The following NALF1 variants were observed in gnomAD, a reference collection of about 807,000 sequenced individuals.
NALF1 encodes NALCN channel auxiliary factor 1.
In NALF1, 3 loss-of-function variants were observed where a neutral mutation model predicts 48.4. The ratio of observed to expected loss-of-function variants is 0.06; its 90% CI spans 0.03 to 0.16. The LOEUF is 0.16. Among genes scored for constraint, NALF1 ranks in the 10% least tolerant of loss-of-function variants. NALF1 has a pLI of 1.00. For missense variants in NALF1, 526 were observed against 571.5 expected, an observed-to-expected ratio of 0.92 and a Z score of 0.81; for synonymous variants, 262 against 245.7, an observed-to-expected ratio of 1.07 and a Z score of -0.62.
At chr13:107,298,328 C>T (rs532428736) in intron 1 of NALF1, among the ~76,000 whole-genome samples, 48 of 99,656 alleles carry the variant, frequency 4.8e-4, no homozygotes, top group Middle Eastern at 0.013. Context: ...CCAGCCTGGG[C>T]GACAGAGAGA....
At chr13:107,398,542 T>C (rs563868050) in intron 1 of NALF1, among the ~76,000 whole-genome samples, 131 of 152,288 alleles carry the variant, frequency 8.6e-4, no homozygotes, top group Non-Finnish European at 1.6e-3. Flanking sequence ...AATGAGTAAA[T>C]AAATATTATA....
intron 1 of NALF1, among the ~76,000 whole-genome samples, chr13:107,837,868 A>C (rs1276308853): frequency 6.6e-6 from 1 of 152,174 alleles, no homozygotes; most frequent in Non-Finnish European, 1.5e-5. Flanking sequence ...CCCTGTGAGA[A>C]AGCAATCATA....
At chr13:107,356,031 T>C (rs907075920) in intron 1 of NALF1, among the ~76,000 whole-genome samples, 4 of 152,194 alleles carry the variant, frequency 2.6e-5, no homozygotes, top group Admixed American at 1.3e-4. Flanking sequence ...CTTTACTATG[T>C]CAAGTTATTG....
intron 1 of NALF1, among the ~76,000 whole-genome samples, chr13:107,663,901 C>G (rs1880791289): frequency 6.6e-6 from 1 of 152,074 alleles, no homozygotes; most frequent in African/African-American, 2.4e-5. Context: ...TCCTCAACTC[C>G]TTAACTTCTA....
intron 1 of NALF1, among the ~76,000 whole-genome samples, chr13:107,770,528 C>T (rs1280089417): frequency 6.6e-6 from 1 of 152,112 alleles, no homozygotes; most frequent in Non-Finnish European, 1.5e-5. Flanking sequence ...TCATAAGTAC[C>T]TACAACTGGG....
chr13:107,745,620 T>C (rs1444867616), intron 1 of NALF1, among the ~76,000 whole-genome samples: 1 of 152,172 alleles, frequency 6.6e-6, no homozygotes, highest in Admixed American at 6.6e-5. Flanking sequence ...TGCTTGCACA[T>C]GGTACCAATA....
At chr13:107,374,368 C>G (rs12864261) in intron 1 of NALF1, among the ~76,000 whole-genome samples, 1 of 152,096 alleles carries the variant, frequency 6.6e-6, no homozygotes, top group Non-Finnish European at 1.5e-5. Flanking sequence ...TTCAGTGGAC[C>G]CTTTTTATTG....
chr13:107,531,283 A>G (rs912446), intron 1 of NALF1: 114,729 of 167,620 alleles, frequency 0.68, 40,835 homozygotes, highest in Middle Eastern at 0.81. Flanking sequence ...CCTCATGAAT[A>G]GCTTGGGCCA....
chr13:107,683,892 C>A (rs57755500), intron 1 of NALF1, among the ~76,000 whole-genome samples: 1 of 152,168 alleles, frequency 6.6e-6, no homozygotes, highest in African/African-American at 2.4e-5. Context: ...CACATCAACC[C>A]AATACTGACT....
intron 1 of NALF1, among the ~76,000 whole-genome samples, chr13:107,715,434 T>A (rs1875724794): frequency 6.6e-6 from 1 of 152,166 alleles, no homozygotes; most frequent in Admixed American, 6.5e-5. Context: ...ACTCCCGACC[T>A]CAGGTGATCT....
At chr13:107,469,153 A>C (rs1181763523) in intron 1 of NALF1, among the ~76,000 whole-genome samples, 2 of 152,204 alleles carry the variant, frequency 1.3e-5, no homozygotes, top group Non-Finnish European at 2.9e-5. Context: ...AAAATCAGTC[A>C]TAAAAAAAGG....
intron 2 of NALF1, among the ~76,000 whole-genome samples, chr13:107,201,416 A>T (rs1879515502): frequency 6.6e-6 from 1 of 152,264 alleles, no homozygotes; most frequent in East Asian, 1.9e-4. Context: ...CTCTACTAAA[A>T]ATACCAAAAA....
intron 1 of NALF1, among the ~76,000 whole-genome samples, chr13:107,267,949 C>T (rs1387104898): frequency 6.7e-6 from 1 of 150,344 alleles, no homozygotes. Flanking sequence ...GAATGATGAG[C>T]AATTTAAAAC....
intron 1 of NALF1, among the ~76,000 whole-genome samples, chr13:107,494,364 T>G (rs1298953193): frequency 6.6e-6 from 1 of 152,192 alleles, no homozygotes; most frequent in South Asian, 2.1e-4. Context: ...AACCAGGCAC[T>G]TGCTGACTTT....
chr13:107,586,932 G>C (rs567501617), intron 1 of NALF1, among the ~76,000 whole-genome samples: 13 of 152,068 alleles, frequency 8.5e-5, no homozygotes, highest in African/African-American at 3.1e-4. Context: ...TATTATGCTA[G>C]CAAACTTATA....
At chr13:107,810,528 G>A (rs939521364) in intron 1 of NALF1, among the ~76,000 whole-genome samples, 2 of 152,020 alleles carry the variant, frequency 1.3e-5, no homozygotes, top group Non-Finnish European at 1.5e-5. Context: ...TGATATCCAT[G>A]TTTCCAATAG....
chr13:107,558,733 TTAGCATTTTACTCTG>T (rs1310038464), intron 1 of NALF1, among the ~76,000 whole-genome samples: 3 of 152,184 alleles, frequency 2.0e-5, no homozygotes, highest in Admixed American at 6.5e-5. Context: ...CCCAGAGAGA[TTAGCATTTTACTCTG>T]TAGACTGAGT....
chr13:107,210,841 G>A, intron 1 of NALF1, 86 bp from the exon 2 acceptor site: 2 of 844,182 alleles, frequency 2.4e-6, no homozygotes, highest in East Asian at 2.6e-5. Context: ...CAAGCGTGCT[G>A]TGGTTTCAAG....
intron 1 of NALF1, among the ~76,000 whole-genome samples, chr13:107,495,775 A>C (rs563858091): frequency 7.5e-4 from 114 of 152,322 alleles, no homozygotes; most frequent in African/African-American, 2.7e-3. Context: ...CTGATCTGCC[A>C]TAAGATCATA....
Sources: gnomAD v4.1 joint callset for allele counts (sites outside exome capture counted in the v4.1 genomes callset) on GRCh38, gnomAD v4.1.1 for gene constraint, MANE v1.5 for transcripts, NCBI Gene and HGNC (gene_info 2026-07-23, HGNC 2026-07-21) for gene names.